CCDC85C: variants seen among roughly 807,000 people sequenced by gnomAD.
The protein encoded by CCDC85C is coiled-coil domain-containing protein 85C.
In CCDC85C, 18 loss-of-function variants were observed where a neutral mutation model predicts 38.3. The observed-to-expected ratio is 0.47, with a 90% CI of 0.33 to 0.70. The LOEUF (loss-of-function observed/expected upper bound fraction) is 0.70. Among genes scored for constraint, CCDC85C ranks in the 30% least tolerant of loss-of-function variants. CCDC85C has a pLI of 0.03. For synonymous variants in CCDC85C, 264 were observed against 293.8 expected, an observed-to-expected ratio of 0.90 and a Z score of 1.04; for missense variants, 566 against 621.2, an observed-to-expected ratio of 0.91 and a Z score of 0.94.
chr14:99,552,399 C>T (rs1897928230), intron 1 of CCDC85C, among the ~76,000 whole-genome samples: 1 of 152,198 alleles, frequency 6.6e-6, no homozygotes, highest in Non-Finnish European at 1.5e-5. Flanking sequence ...GAGGCGCAAA[C>T]CTGAGCCCCA....
chr14:99,506,980 C>A lies in CCDC85C; in HGVS notation c.*8266G>T. 1.2e-6 allele frequency: 1 copy of A among 825,416 alleles called. No individual in the cohort carries two copies. Among genetic ancestry groups the A allele is most frequent in the Non-Finnish European group, 2.2e-6 (1 of 463,478 alleles). 51.1% of individuals were successfully genotyped at this position (825,416 alleles called of 1,614,324 possible). A position where few individuals can be genotyped will look rare whatever the true frequency, so the allele number is the denominator to read the frequency against. Reference sequence around the variant, plus strand: ...AGCCTTGGTCATCTCTGTTGTTTTTCTCCCAAAGAAATCTCTGCCAGTACA... The same window carrying A: ...AGCCTTGGTCATCTCTGTTGTTTTTATCCCAAAGAAATCTCTGCCAGTACA... On this transcript the variant is annotated 3_prime_UTR_variant, in exon 6 of 6. Transcript: ENST00000380243.
In CCDC85C at chr14:99,517,105, C is replaced by G. The variant is rs1338020148; in HGVS notation, c.1054G>C (p.Val352Leu). ...GCCCTCACCTTCATGGCATGCACGA[C>G]AGCCTCGGGCTTCTGTCCTGCAGGG... ...YSPAGQKPEA[V>L]VHAMKVLEVH... The change falls in exon 4 of 6, where the codon GTC (valine) becomes CTC (leucine). Residue 352 changes from valine (V) to leucine (L), a missense_variant. Val to Leu is a conservative substitution (Grantham distance 32). Transcript: ENST00000380243. The G allele has an allele frequency of 6.5e-7, 1 of 1,550,386 alleles. No homozygotes were observed. Among genetic ancestry groups the G allele is most frequent in the African/African-American group, 1.4e-5 (1 of 73,024 alleles).
chr14:99,603,817 T>C lies in CCDC85C; in HGVS notation c.143A>G (p.Glu48Gly). Residue 48 changes from glutamate to glycine, a missense_variant, in exon 1 of 6, where the codon GAG (glutamate) becomes GGG (glycine). Around this residue, in one of 3 missense-constraint regions of CCDC85C, gnomAD observed 269 missense variants for 308.2 expected, o/e 0.87. Coordinates refer to ENST00000380243, the MANE Select transcript of CCDC85C (RefSeq NM_001144995.2). The surrounding 1 kb of genome is among the most constrained non-coding windows in gnomAD (Gnocchi z 7.5). ...AEGEKVGLML[E>G]HGGLMRDVNR... Reference sequence around the variant, plus strand: ...CACGTCGCGCATCAGGCCGCCGTGCTCCAGCATGAGGCCCACCTTCTCGCC... The same window carrying C: ...CACGTCGCGCATCAGGCCGCCGTGCCCCAGCATGAGGCCCACCTTCTCGCC... 1 of 1,524,912 alleles carries C rather than the reference T, an allele frequency of 6.6e-7. No homozygotes were observed. Among genetic ancestry groups the C allele is most frequent in the South Asian group, 1.2e-5 (1 of 82,334 alleles). 94.5% of individuals were successfully genotyped at this position (1,524,912 alleles called of 1,614,324 possible). A position where few individuals can be genotyped will look rare whatever the true frequency, so the allele number is the denominator to read the frequency against.
At chr14:99,586,733 A>G (rs1327061636) in intron 1 of CCDC85C, among the ~76,000 whole-genome samples, 1 of 152,162 alleles carries the variant, frequency 6.6e-6, no homozygotes, top group Non-Finnish European at 1.5e-5. Flanking sequence ...GAGCCACCGG[A>G]GATGTGGACA....
At chr14:99,531,681 A>G (rs1440298959) in intron 2 of CCDC85C, among the ~76,000 whole-genome samples, 3 of 149,720 alleles carry the variant, frequency 2.0e-5, no homozygotes, top group Non-Finnish European at 1.5e-5. Flanking sequence ...TATTCCAGAG[A>G]AGAGCATTCC....
intron 1 of CCDC85C, among the ~76,000 whole-genome samples, chr14:99,592,769 G>C (rs1379218564): frequency 6.6e-6 from 1 of 152,224 alleles, no homozygotes; most frequent in African/African-American, 2.4e-5. Flanking sequence ...CTTTGGACCA[G>C]GAAACGTGAG....
At position 99,504,445 on chromosome 14, in the gene CCDC85C, AG is replaced by A. The variant is rs1265743988; in HGVS notation, c.*10800del. On this transcript the variant is annotated 3_prime_UTR_variant, in exon 6 of 6. Transcript: ENST00000380243. ...TTTGAGGGAATGATGAGTTCAGTAC[AG>A]GTGAATTTTTTTTTTTTTTTTGAGA... The A allele has an allele frequency of 7.4e-6, 1 of 135,304 alleles. No homozygotes were observed. The highest frequency in any genetic ancestry group is 8.1e-5 in the Admixed American group (1 of 12,362). The allele number at this position is 135,304 out of a possible 1,614,324, so 8.4% of individuals were successfully genotyped here.
At chr14:99,528,299 T>C (rs1001696196) in intron 2 of CCDC85C, among the ~76,000 whole-genome samples, 24 of 152,136 alleles carry the variant, frequency 1.6e-4, no homozygotes, top group African/African-American at 4.8e-4. Context: ...ATGCCAACCA[T>C]GCCCATCACT....
At chr14:99,551,726 T>C (rs1897915193) in intron 1 of CCDC85C, among the ~76,000 whole-genome samples, 3 of 150,400 alleles carry the variant, frequency 2.0e-5, no homozygotes, top group Non-Finnish European at 3.0e-5. Flanking sequence ...GGTGGGCAGA[T>C]GGGTGAGCAG....
At chr14:99,517,938 C>G (rs539188753) in intron 3 of CCDC85C, among the ~76,000 whole-genome samples, 67 of 152,314 alleles carry the variant, frequency 4.4e-4, no homozygotes, top group African/African-American at 1.6e-3. Context: ...GAGGAACTTA[C>G]AAGTGCCCAG....
Position 99,508,048 on chromosome 14 carries a change from C to T in CCDC85C, c.*7198G>A, listed in dbSNP as rs1175212017. ...TCCAAGCCTCTGTCAGCAGCTCCTC[C>T]AGCCTGCTACACTCACTGTTGGTCG... is the stretch of plus-strand genomic sequence containing the variant. On this transcript the variant is annotated 3_prime_UTR_variant, in exon 6 of 6. Coordinates refer to ENST00000380243, the MANE Select transcript of CCDC85C (RefSeq NM_001144995.2). 6.6e-6 allele frequency: 1 copy of T among 152,250 alleles called. No individual in the cohort carries two copies. The allele number at this position is 152,250 out of a possible 1,614,324, so 9.4% of individuals were successfully genotyped here.
Position 99,535,030 on chromosome 14 carries a change from G to A in CCDC85C, c.867+985C>T. 3.1e-6 allele frequency: 1 copy of A among 327,314 alleles called. No homozygotes were observed. The highest frequency in any genetic ancestry group is 5.7e-6 in the Non-Finnish European group (1 of 175,130). 20.3% of individuals were successfully genotyped at this position (327,314 alleles called of 1,614,324 possible). A position where few individuals can be genotyped will look rare whatever the true frequency, so the allele number is the denominator to read the frequency against. On this transcript the variant is annotated intron_variant, in intron 2 of 5. Coordinates refer to ENST00000380243, the MANE Select transcript of CCDC85C (RefSeq NM_001144995.2). This position sits in a 1 kb window ranked among gnomAD's most constrained non-coding sequence, Gnocchi z 5.5. ...CACAGCCCACAAAGGGGTGAGACGT[G>A]AGGATGACCTCAGTGGGAGCTGTGC... is the stretch of plus-strand genomic sequence containing the variant.
intron 2 of CCDC85C, among the ~76,000 whole-genome samples, chr14:99,525,785 T>A (rs985161618): frequency 6.6e-6 from 1 of 152,190 alleles, no homozygotes; most frequent in African/African-American, 2.4e-5. Flanking sequence ...GGCTGATTCA[T>A]ACAGAATGCC....
At chr14:99,565,011 G>T (rs948547775) in intron 1 of CCDC85C, among the ~76,000 whole-genome samples, 1 of 152,188 alleles carries the variant, frequency 6.6e-6, no homozygotes, top group Non-Finnish European at 1.5e-5. Flanking sequence ...CAAGGAGAGG[G>T]GACGCAGACC....
Position 99,507,668 on chromosome 14 carries a change from A to G in CCDC85C, c.*7578T>C, listed in dbSNP as rs755142935. ...CCAGAAATGCTAAACTACACATTGT[A>G]TTAGAATCAGTTTTAGGAAAGAAAG... On this transcript the variant is annotated 3_prime_UTR_variant, in exon 6 of 6. Transcript: ENST00000380243. 203 of 155,454 alleles carry G rather than the reference A, an allele frequency of 1.3e-3. 1 individual carries two copies. Among genetic ancestry groups the G allele is most frequent in the Non-Finnish European group, 1.7e-3 (116 of 69,954 alleles). The allele number at this position is 155,454 out of a possible 1,614,324, so 9.6% of individuals were successfully genotyped here.
intron 1 of CCDC85C, among the ~76,000 whole-genome samples, chr14:99,577,905 G>A (rs1221677594): frequency 4.4e-5 from 6 of 135,320 alleles, no homozygotes; most frequent in Middle Eastern, 5.3e-3. Context: ...AGCCCATCCT[G>A]TATCCCCCAT....
intron 1 of CCDC85C, among the ~76,000 whole-genome samples, chr14:99,568,961 A>C (rs1428039124): frequency 6.6e-6 from 1 of 151,974 alleles, no homozygotes; most frequent in Non-Finnish European, 1.5e-5. Context: ...AGGCAGGAGG[A>C]ACTTCTCTCT....
Position 99,503,663 on chromosome 14 carries a change from GT to G in CCDC85C, c.*11582del. The G allele has an allele frequency of 1.3e-6, 2 of 1,547,712 alleles. No homozygotes were observed. Among genetic ancestry groups the G allele is most frequent in the Middle Eastern group, 1.8e-4 (1 of 5,710 alleles). ...GCAGCAGGTAATTTCCTGTTCTGATGTTTTTTTAGTTTTATGTGTTTATATG... is the reference window on the plus strand; with the variant it reads ...GCAGCAGGTAATTTCCTGTTCTGATGTTTTTTAGTTTTATGTGTTTATATG... On this transcript the variant is annotated 3_prime_UTR_variant, in exon 6 of 6. Transcript: ENST00000380243.
At chr14:99,519,129 T>G (rs1053727012) in intron 3 of CCDC85C, among the ~76,000 whole-genome samples, 1 of 136,532 alleles carries the variant, frequency 7.3e-6, no homozygotes, top group African/African-American at 2.8e-5. Flanking sequence ...TTTTTTTTTT[T>G]TTGAGTGAGA....
Sources: gnomAD v4.1 joint callset for allele counts (sites outside exome capture counted in the v4.1 genomes callset) on GRCh38, gnomAD v4.1.1 for gene constraint, gnomAD v4.1.1 regional missense constraint, Gnocchi (gnomAD v3.1) non-coding constraint, MANE v1.5 for transcripts, NCBI Gene and HGNC (gene_info 2026-07-23, HGNC 2026-07-21) for gene names.